The following GRIN3A variants were observed in gnomAD, a reference collection of about 807,000 sequenced individuals.
GRIN3A encodes glutamate receptor ionotropic, NMDA 3A.
Under a neutral mutation model 92.4 loss-of-function variants are expected in GRIN3A, and 47 were observed. The observed-to-expected ratio is 0.51, with a 90% CI of 0.40 to 0.65. The LOEUF (loss-of-function observed/expected upper bound fraction) is 0.65. Ranked by LOEUF, GRIN3A falls within the 30% of genes least tolerant of loss-of-function variation. GRIN3A has a pLI of 0.00. For missense variants in GRIN3A, 1,324 were observed against 1,393.1 expected (o/e 0.95, Z 0.79); for synonymous variants, 527 against 540.6 (o/e 0.97, Z 0.35).
intron 3 of GRIN3A, among the ~76,000 whole-genome samples, chr9:101,650,657 T>A (rs778550028): frequency 6.6e-6 from 1 of 152,006 alleles, no homozygotes; most frequent in Non-Finnish European, 1.5e-5. Flanking sequence ...TTTTGCAATA[T>A]TATCATAGAA....
At chr9:101,689,493 T>C (rs1211704256) in intron 1 of GRIN3A, among the ~76,000 whole-genome samples, 7 of 152,084 alleles carry the variant, frequency 4.6e-5, no homozygotes, top group Non-Finnish European at 1.0e-4. Context: ...ACCCCTACAA[T>C]GGATAATGAT....
chr9:101,578,014 A>G (rs1383454142), intron 7 of GRIN3A, among the ~76,000 whole-genome samples, 170 bp from the exon 8 acceptor site: 1 of 152,222 alleles, frequency 6.6e-6, no homozygotes, highest in Admixed American at 6.5e-5. Context: ...AAATCTCAAC[A>G]GAACAAAAAT....
intron 1 of GRIN3A, among the ~76,000 whole-genome samples, chr9:101,735,342 A>T (rs1830187475): frequency 6.6e-6 from 1 of 151,912 alleles, no homozygotes; most frequent in Admixed American, 6.6e-5. Context: ...ACAGAAACAA[A>T]TGTGCTTGAC....
At position 101,686,922 on chromosome 9, in the gene GRIN3A, C is replaced by T; in HGVS notation, c.978G>A (p.Val326=). Residue 326 remains valine (V), a synonymous_variant, in exon 2 of 9, where the codon GTG becomes GTA. Transcript: ENST00000361820. ...ESIKNSTPTV[V]MFGCDMESIR... is the part of the protein sequence containing the mutation. ...TACTTTCCATGTCGCAGCCAAACAT[C>T]ACCACTGTGGGTGTGCTGTTCTTAA... is the stretch of plus-strand genomic sequence containing the variant. 6.2e-7 allele frequency: 1 copy of T among 1,614,186 alleles called. No individual in the cohort carries two copies.
rs1215157321 is a variant in GRIN3A at position 101,569,691 on chromosome 9, G to A, written c.*3483C>T. ...GGGTAAAGAAAGGAATAACTAAACA[G>A]TATAGATAGTAAAGTAGTATTAATG... On this transcript the variant is annotated 3_prime_UTR_variant, in exon 9 of 9. Transcript: ENST00000361820. 1 of 152,198 alleles carries A rather than the reference G, an allele frequency of 6.6e-6. No homozygotes were observed. The highest frequency in any genetic ancestry group is 2.4e-5 in the African/African-American group (1 of 41,460). 9.4% of individuals were successfully genotyped at this position (152,198 alleles called of 1,614,324 possible).
chr9:101,633,343 T>C (rs151250749), intron 3 of GRIN3A, among the ~76,000 whole-genome samples: 2 of 152,320 alleles, frequency 1.3e-5, no homozygotes, highest in East Asian at 3.9e-4. Flanking sequence ...TAGGATATAG[T>C]ATGTATTGAA....
chr9:101,587,767 G>C (rs1200712054), intron 6 of GRIN3A, among the ~76,000 whole-genome samples: 1 of 152,162 alleles, frequency 6.6e-6, no homozygotes, highest in African/African-American at 2.4e-5. Flanking sequence ...TAAGAGAGCT[G>C]GTGGCAGGGG....
intron 1 of GRIN3A, among the ~76,000 whole-genome samples, chr9:101,727,202 G>A (rs2050640): frequency 0.42 from 63,585 of 151,918 alleles, 13,582 homozygotes; most frequent in Non-Finnish European, 0.47. Flanking sequence ...CCCATTCAAA[G>A]GCAAACTATC....
intron 1 of GRIN3A, among the ~76,000 whole-genome samples, chr9:101,691,296 T>C (rs931322937): frequency 6.6e-6 from 1 of 152,130 alleles, no homozygotes; most frequent in African/African-American, 2.4e-5. Flanking sequence ...ATAGACAATA[T>C]GTAACTAACT....
At chr9:101,614,609 CTTTTTTTTTTT>C (rs754003481) in intron 5 of GRIN3A, among the ~76,000 whole-genome samples, 2 of 83,066 alleles carry the variant, frequency 2.4e-5, no homozygotes, top group South Asian at 4.2e-4. Flanking sequence ...ATATGTGATA[CTTTTTTTTTTT>C]TTTTTTTTTT....
At chr9:101,734,456 T>A (rs1830175899) in intron 1 of GRIN3A, among the ~76,000 whole-genome samples, 1 of 152,088 alleles carries the variant, frequency 6.6e-6, no homozygotes, top group Non-Finnish European at 1.5e-5. Context: ...GCAGTTATAA[T>A]ATACATATGT....
chr9:101,627,421 T>C (rs1050769887), intron 4 of GRIN3A, among the ~76,000 whole-genome samples: 2 of 152,146 alleles, frequency 1.3e-5, no homozygotes, highest in Non-Finnish European at 2.9e-5. Flanking sequence ...AAAAAAGAAT[T>C]TGAGGTGGCA....
chr9:101,682,911 G>T (rs1001784401), intron 2 of GRIN3A, among the ~76,000 whole-genome samples: 6 of 152,244 alleles, frequency 3.9e-5, no homozygotes, highest in Admixed American at 2.0e-4. Flanking sequence ...GAACCAGGGA[G>T]GCGGAGCTTG....
At chr9:101,608,504 T>C (rs1828315671) in intron 6 of GRIN3A, among the ~76,000 whole-genome samples, 3 of 152,222 alleles carry the variant, frequency 2.0e-5, no homozygotes, top group African/African-American at 7.2e-5. Flanking sequence ...CATCTTTTTT[T>C]TTGGTCTATA....
rs1829548956 is a variant in GRIN3A, at chr9:101,687,089, G to T, written c.811C>A (p.Gln271Lys). The T allele has an allele frequency of 6.2e-7, 1 of 1,614,106 alleles. No individual in the cohort carries two copies. The highest frequency in any genetic ancestry group is 8.5e-7 in the Non-Finnish European group (1 of 1,179,998). The change falls in exon 2 of 9, where the codon CAG becomes AAG. Residue 271 changes from glutamine to lysine, a missense_variant. By Grantham distance (53) the Gln-to-Lys change is moderately conservative (BLOSUM62 1). Coordinates refer to ENST00000361820, the MANE Select transcript of GRIN3A (RefSeq NM_133445.3). ...NWYNFSLLLC[Q>K]EDWNITDFLL... ...AAGTCGGTGATGTTCCAGTCTTCCTGGCACAGCAACAAGCTAAAATTGTAC... is the reference window on the plus strand; with the variant it reads ...AAGTCGGTGATGTTCCAGTCTTCCTTGCACAGCAACAAGCTAAAATTGTAC...
At chr9:101,635,142 T>C (rs925601797) in intron 3 of GRIN3A, among the ~76,000 whole-genome samples, 1 of 152,228 alleles carries the variant, frequency 6.6e-6, no homozygotes, top group African/African-American at 2.4e-5. Flanking sequence ...TTAGGTCAGC[T>C]AATCTCTAGT....
At position 101,582,757 on chromosome 9, in the gene GRIN3A, C is replaced by A. The variant is rs185306130; in HGVS notation, c.2767-3397G>T. On this transcript the variant is annotated intron_variant, in intron 6 of 8. Transcript: ENST00000361820. Reference sequence around the variant, plus strand: ...ATCAAACATTCAGTTAAACTCTGAGCAGATGGGCCCTGCTTTTTTATAAGA... The same window carrying A: ...ATCAAACATTCAGTTAAACTCTGAGAAGATGGGCCCTGCTTTTTTATAAGA... 6.3e-4 allele frequency among the ~76,000 whole-genome samples: 96 copies of A among 152,224 alleles called. 1 individual carries two copies. The East Asian group carries it at 0.017, about 27-fold the overall frequency.
At chr9:101,575,735 A>G (rs1827817575) in intron 8 of GRIN3A, among the ~76,000 whole-genome samples, 1 of 151,640 alleles carries the variant, frequency 6.6e-6, no homozygotes, top group South Asian at 2.1e-4. Flanking sequence ...AGGGATGTCA[A>G]GTTGTAGCAT....
rs572534890 is a variant in GRIN3A at position 101,675,383 on chromosome 9, A to G, written c.1305-4276T>C. Among the ~76,000 whole-genome samples, 350 of 152,066 alleles carry G rather than the reference A, an allele frequency of 2.3e-3. 2 individuals are homozygous for G. Among genetic ancestry groups the G allele is most frequent in the Non-Finnish European group, 4.3e-3 (294 of 67,900 alleles). On this transcript the variant is annotated intron_variant, in intron 2 of 8. Coordinates refer to ENST00000361820, the MANE Select transcript of GRIN3A (RefSeq NM_133445.3). ...AGCAAGATCAATATTTAATATATTT[A>G]ATATATATTTTAGAAGCCATATTTG...
Sources: allele counts gnomAD v4.1 joint callset (sites outside exome capture counted in the v4.1 genomes callset), GRCh38; gene constraint gnomAD v4.1.1; transcripts MANE v1.5; gene names NCBI Gene and HGNC (gene_info 2026-07-23, HGNC 2026-07-21).